DMXL2: variants seen among roughly 807,000 people sequenced by gnomAD.
The protein encoded by DMXL2 is Dmx like 2.
In DMXL2, 103 loss-of-function variants were observed where a neutral mutation model predicts 331.1. The ratio of observed to expected loss-of-function variants is 0.31; its 90% confidence interval spans 0.27 to 0.37. The LOEUF is 0.37. Ranked by LOEUF, DMXL2 falls within the 10% of genes least tolerant of loss-of-function variation. The pLI is 1.00. For synonymous variants in DMXL2, 1,281 were observed against 1,252.1 expected (o/e 1.02, Z -0.49); for missense variants, 3,171 against 3,642.9 (o/e 0.87, Z 3.33).
chr15:51,542,532 G>C, intron 8 of DMXL2, 25 bp from the exon 9 acceptor site: 1 of 1,576,044 alleles, frequency 6.3e-7, no homozygotes. Flanking sequence ...TAGTTGCTGA[G>C]TCCAACTCTG....
intron 1 of DMXL2, 27 bp from the exon 2 acceptor site, chr15:51,576,208 TAC>T: frequency 2.3e-6 from 2 of 857,686 alleles, no homozygotes; most frequent in African/African-American, 2.7e-5. Flanking sequence ...AAAAAAGTTT[TAC>T]AATACATAAG....
intron 14 of DMXL2, among the ~76,000 whole-genome samples, chr15:51,516,464 C>A (rs2047041388): frequency 6.6e-6 from 1 of 152,166 alleles, no homozygotes; most frequent in African/African-American, 2.4e-5. Flanking sequence ...CTGAGGTTAC[C>A]CTCTATTGAG....
chr15:51,448,812 A>C lies in DMXL2; in HGVS notation c.*172T>G. 4.7e-6 allele frequency: 3 copies of C among 642,292 alleles called. No homozygotes were observed. The highest frequency in any genetic ancestry group is 5.4e-6 in the Non-Finnish European group (2 of 373,000). The allele number at this position is 642,292 out of a possible 1,614,324, so 39.8% of individuals were successfully genotyped here. A position where few individuals can be genotyped will look rare whatever the true frequency, so the allele number is the denominator to read the frequency against. Reference sequence around the variant, plus strand: ...TTTTAGTATGTCAGCATAATAAGGTACATGCGCATTCATTCCACCAACCTG... The same window carrying C: ...TTTTAGTATGTCAGCATAATAAGGTCCATGCGCATTCATTCCACCAACCTG... On this transcript the variant is annotated 3_prime_UTR_variant, in exon 44 of 44. Transcript: ENST00000560891.
chr15:51,479,889 T>C, intron 25 of DMXL2, 59 bp downstream of exon 25: 1 of 1,279,550 alleles, frequency 7.8e-7, no homozygotes, highest in Non-Finnish European at 1.0e-6. Flanking sequence ...AAAAGACAGG[T>C]ATAACATATT....
At chr15:51,590,948 G>A (rs191312759) in intron 1 of DMXL2, among the ~76,000 whole-genome samples, 3 of 152,114 alleles carry the variant, frequency 2.0e-5, no homozygotes, top group African/African-American at 7.2e-5. Flanking sequence ...GCAGACAAGG[G>A]GGGTGGAGCC....
Position 51,576,183 on chromosome 15 carries a change from T to TAAAAATAAAAAAA in DMXL2, c.88-3_88-2insTTTTTTTATTTTT. On this transcript the variant is annotated splice_region_variant and splice_polypyrimidine_tract_variant and intron_variant, in intron 1 of 43. Transcript: ENST00000560891. ...AATATCACAGCCTGATCCATATGCC[T>TAAAAATAAAAAAA]AAAAAAAAAAAAAAAAAAAAGTTTT... The TAAAAATAAAAAAA allele has an allele frequency of 1.6e-6, 1 of 626,284 alleles. No individual in the cohort carries two copies. 38.8% of individuals were successfully genotyped at this position (626,284 alleles called of 1,614,324 possible).
At chr15:51,483,929 A>T (rs889183405) in intron 23 of DMXL2, among the ~76,000 whole-genome samples, 1 of 151,904 alleles carries the variant, frequency 6.6e-6, no homozygotes, top group African/African-American at 2.4e-5. Flanking sequence ...ATGAGCCCCT[A>T]ACAGAAACGC....
At chr15:51,608,427 T>C (rs2053738199) in intron 1 of DMXL2, among the ~76,000 whole-genome samples, 1 of 152,154 alleles carries the variant, frequency 6.6e-6, no homozygotes, top group Non-Finnish European at 1.5e-5. Context: ...GCCAAAAAAA[T>C]GAGATCATGT....
chr15:51,542,321 T>G lies in DMXL2; in HGVS notation c.1105+12A>C, dbSNP rs368010687. 549 of 1,608,510 alleles carry G rather than the reference T, an allele frequency of 3.4e-4. 4 individuals carry two copies. In the South Asian group the frequency reaches 5.7e-3, roughly 17 times the overall value. ...TCAACATATTTATGGGAAATAAAAC[T>G]TTATCCTTTACCTGTGGCAGGGTTG... On this transcript the variant is annotated intron_variant, in intron 9 of 43. Transcript: ENST00000560891.
chr15:51,491,076 G>A (rs568087446), intron 20 of DMXL2, among the ~76,000 whole-genome samples: 4 of 152,162 alleles, frequency 2.6e-5, no homozygotes, highest in South Asian at 4.2e-4. Context: ...AGCCTATATA[G>A]AAAGACACAA....
intron 1 of DMXL2, among the ~76,000 whole-genome samples, chr15:51,608,267 T>G (rs58012011): frequency 1.9e-3 from 293 of 152,086 alleles, no homozygotes; most frequent in African/African-American, 6.9e-3. Context: ...GCCAAAGGAA[T>G]ATAAATCGTT....
At chr15:51,459,737 C>G in intron 33 of DMXL2, 77 bp from the exon 34 acceptor site, 2 of 1,274,466 alleles carry the variant, frequency 1.6e-6, no homozygotes, top group Non-Finnish European at 2.0e-6. Context: ...ATATTTCAAG[C>G]TGAAATGGCC....
chr15:51,475,251 G>T (rs1262354983), intron 27 of DMXL2, among the ~76,000 whole-genome samples: 1 of 152,136 alleles, frequency 6.6e-6, no homozygotes, highest in Non-Finnish European at 1.5e-5. Flanking sequence ...CAGCACTTTG[G>T]GAGGCCAAGA....
intron 1 of DMXL2, among the ~76,000 whole-genome samples, chr15:51,594,949 A>AC (rs1428626702): frequency 4.6e-5 from 7 of 150,958 alleles, no homozygotes; most frequent in East Asian, 3.9e-4. Flanking sequence ...GGTCTGTCAT[A>AC]TCACAGCCAA....
At chr15:51,611,447 T>G (rs1009335767) in intron 1 of DMXL2, among the ~76,000 whole-genome samples, 1 of 152,256 alleles carries the variant, frequency 6.6e-6, no homozygotes, top group African/African-American at 2.4e-5. Context: ...AGTAATAATA[T>G]GAGCTTCCTC....
chr15:51,552,050 A>T (rs1567107373), intron 6 of DMXL2, among the ~76,000 whole-genome samples: 1 of 152,208 alleles, frequency 6.6e-6, no homozygotes, highest in African/African-American at 2.4e-5. Context: ...GGTATTCCCT[A>T]GACAGAGGGA....
At chr15:51,462,543 G>A (rs2040218340) in intron 33 of DMXL2, among the ~76,000 whole-genome samples, 2 of 152,032 alleles carry the variant, frequency 1.3e-5, no homozygotes, top group South Asian at 2.1e-4. Flanking sequence ...CTCCATGTTG[G>A]TCAGGCTGGT....
At chr15:51,565,381 T>C (rs1361881096) in intron 3 of DMXL2, among the ~76,000 whole-genome samples, 2 of 152,202 alleles carry the variant, frequency 1.3e-5, no homozygotes, top group Non-Finnish European at 2.9e-5. Context: ...CTCCTTGCCA[T>C]GCCCAAACAA....
chr15:51,617,872 A>T (rs966774884), intron 1 of DMXL2, among the ~76,000 whole-genome samples: 8 of 152,188 alleles, frequency 5.3e-5, no homozygotes, highest in Admixed American at 3.3e-4. Flanking sequence ...TGCTACAAGC[A>T]AGAAGGCTAA....
Sources: gnomAD v4.1 joint callset for allele counts (sites outside exome capture counted in the v4.1 genomes callset) on GRCh38, gnomAD v4.1.1 for gene constraint, MANE v1.5 for transcripts, NCBI Gene and HGNC (gene_info 2026-07-23, HGNC 2026-07-21) for gene names.